The following RUVBL1 variants were observed in gnomAD, a reference collection of about 807,000 sequenced individuals.
RUVBL1 encodes the protein ruvB-like 1.
In RUVBL1, 4 loss-of-function variants were observed where a neutral mutation model predicts 52.4. The observed-to-expected ratio is 0.08, with a 90% CI of 0.04 to 0.17. RUVBL1 has a LOEUF of 0.17. Among genes scored for constraint, RUVBL1 ranks in the 10% least tolerant of loss-of-function variants. The pLI, the probability that RUVBL1 is intolerant of heterozygous loss-of-function variation, is 1.00. For missense variants in RUVBL1, 298 were observed against 572.8 expected (o/e 0.52, Z 4.90); for synonymous variants, 217 against 214.4 (o/e 1.01, Z -0.10).
chr3:128,104,556 T>C (rs80097562), intron 4 of RUVBL1, among the ~76,000 whole-genome samples: 1 of 152,258 alleles, frequency 6.6e-6, no homozygotes, highest in Non-Finnish European at 1.5e-5. Flanking sequence ...TTCCTAGGAG[T>C]AAGTAAGAAA....
chr3:128,089,749 T>C (rs374610216), intron 8 of RUVBL1, among the ~76,000 whole-genome samples: 1 of 151,756 alleles, frequency 6.6e-6, no homozygotes, highest in Non-Finnish European at 1.5e-5. Context: ...GGCAAATTCA[T>C]AGAGACAGAA....
At chr3:128,120,409 G>A (rs1576475789) in intron 1 of RUVBL1, among the ~76,000 whole-genome samples, 1 of 151,918 alleles carries the variant, frequency 6.6e-6, no homozygotes, top group South Asian at 2.1e-4. Context: ...ATAAATCTCT[G>A]AATTTTATTA....
intron 1 of RUVBL1, among the ~76,000 whole-genome samples, chr3:128,140,020 AAG>A (rs1226580130): frequency 2.6e-5 from 4 of 152,126 alleles, no homozygotes; most frequent in African/African-American, 9.7e-5. Context: ...AAATAACTAA[AAG>A]AGTATAATTG....
intron 4 of RUVBL1, among the ~76,000 whole-genome samples, chr3:128,102,324 C>T (rs1559817702): frequency 1.3e-5 from 2 of 152,244 alleles, no homozygotes; most frequent in East Asian, 1.9e-4. Context: ...AGTGTTTGTG[C>T]CCTTGGGTCT....
exon 10 of RUVBL1, chr3:128,065,094 GC>G: frequency 6.4e-7 from 1 of 1,559,016 alleles, no homozygotes; most frequent in South Asian, 1.1e-5. Flanking sequence ...GTTTCAGAAT[GC>G]CTTGTGTGCA....
intron 6 of RUVBL1, among the ~76,000 whole-genome samples, chr3:128,100,301 T>TCC (rs1446997725): frequency 6.6e-6 from 1 of 152,060 alleles, no homozygotes; most frequent in East Asian, 1.9e-4. Flanking sequence ...ACCCAGAAAA[T>TCC]CCCAGGTGTG....
At position 128,067,226 on chromosome 3, in the gene RUVBL1, A is replaced by G; in HGVS notation, c.940-2006T>C. ...GTTTCTATCAGTGTCTTGCTCATGA[A>G]CAGATATTTCATCCAAAGATATTTT... On this transcript the variant is annotated intron_variant, in intron 9 of 9. Transcript: ENST00000464873. The surrounding 1 kb of genome is among the most constrained non-coding windows in gnomAD (Gnocchi z 4.1). 2 of 1,411,552 alleles carry G rather than the reference A, an allele frequency of 1.4e-6. No individual in the cohort carries two copies. Among genetic ancestry groups the G allele is most frequent in the Non-Finnish European group, 2.0e-6 (2 of 1,003,864 alleles). 87.4% of individuals were successfully genotyped at this position (1,411,552 alleles called of 1,614,324 possible).
At chr3:128,114,281 C>T (rs927419623) in intron 2 of RUVBL1, among the ~76,000 whole-genome samples, 3 of 152,150 alleles carry the variant, frequency 2.0e-5, no homozygotes, top group East Asian at 1.9e-4. Context: ...GAAACTGAGA[C>T]GGTGTCTTAA....
intron 4 of RUVBL1, among the ~76,000 whole-genome samples, 182 bp from the exon 5 acceptor site, chr3:128,101,830 T>G (rs889690618): frequency 6.6e-6 from 1 of 152,154 alleles, no homozygotes; most frequent in Non-Finnish European, 1.5e-5. Context: ...CACAACAGAC[T>G]GGCTGGGGGA....
chr3:128,138,184 T>C (rs1197148155), intron 1 of RUVBL1, among the ~76,000 whole-genome samples: 1 of 152,110 alleles, frequency 6.6e-6, no homozygotes, highest in Non-Finnish European at 1.5e-5. Context: ...CTGGAAGTCC[T>C]AGCTAGAGCA....
At chr3:128,150,185 TTCA>T (rs1944164835) in intron 1 of RUVBL1, among the ~76,000 whole-genome samples, 5 of 152,186 alleles carry the variant, frequency 3.3e-5, no homozygotes, top group Admixed American at 3.3e-4. Context: ...CCCAAAGCAC[TTCA>T]TCATTATTTG....
chr3:128,113,064 C>T, intron 2 of RUVBL1, 44 bp from the exon 3 acceptor site: 1 of 1,602,004 alleles, frequency 6.2e-7, no homozygotes, highest in Non-Finnish European at 8.5e-7. Flanking sequence ...GTCCTGAAAA[C>T]ATGACAGTTC....
chr3:128,111,004 A>C (rs964891438), intron 3 of RUVBL1, among the ~76,000 whole-genome samples: 3 of 151,870 alleles, frequency 2.0e-5, no homozygotes, highest in Non-Finnish European at 2.9e-5. Context: ...AGGCAGGTGA[A>C]TCATGAGGTC....
At chr3:128,066,902 A>G in intron 9 of RUVBL1, 4 of 1,579,968 alleles carry the variant, frequency 2.5e-6, no homozygotes, top group Non-Finnish European at 3.5e-6. Flanking sequence ...GTTTCTGTGC[A>G]GCAGGCTGAA....
rs115163125 is a variant in RUVBL1 at position 128,081,334 on chromosome 3, A to G, written c.1287T>C (p.His429=). The G allele has an allele frequency of 3.6e-4, 575 of 1,614,232 alleles. 1 individual carries two copies. In the African/African-American group the frequency reaches 7.2e-3, roughly 20 times the overall value. The stretch of plus-strand genomic sequence containing the variant: ...AGAAAAGTTCACTGATCTCTTCGAC[A>G]TGCTCTTTCTCAATGCTGTCCTTCC... ...INGKDSIEKE[H]VEEISELFYD... is the part of the protein sequence containing the mutation. The change falls in exon 11 of 11, where the codon CAT becomes CAC. Residue 429 remains histidine, a synonymous_variant. Coordinates refer to ENST00000322623, the MANE Select transcript of RUVBL1 (RefSeq NM_003707.3). The surrounding 1 kb of genome is among the most constrained non-coding windows in gnomAD (Gnocchi z 4.8).
At chr3:128,146,637 TG>T (rs763372771) in intron 1 of RUVBL1, among the ~76,000 whole-genome samples, 1 of 150,900 alleles carries the variant, frequency 6.6e-6, no homozygotes, top group Non-Finnish European at 1.5e-5. Context: ...TGTGCGTGCA[TG>T]TATGCGTGTG....
At chr3:128,115,184 C>CAAAAA in intron 2 of RUVBL1, among the ~76,000 whole-genome samples, 1 of 152,212 alleles carries the variant, frequency 6.6e-6, no homozygotes, top group East Asian at 1.9e-4. Context: ...GATTAAGAAA[C>CAAAAA]AAACTCAAAA....
intron 1 of RUVBL1, among the ~76,000 whole-genome samples, chr3:128,146,632 G>A (rs1163628938): frequency 6.6e-6 from 1 of 150,956 alleles, no homozygotes; most frequent in Non-Finnish European, 1.5e-5. Flanking sequence ...CTGTGTGTGC[G>A]TGCATGTATG....
At chr3:128,143,283 C>T (rs1203167528) in intron 1 of RUVBL1, among the ~76,000 whole-genome samples, 1 of 151,872 alleles carries the variant, frequency 6.6e-6, no homozygotes, top group Non-Finnish European at 1.5e-5. Flanking sequence ...AGCAATTCTC[C>T]TGCCTTAGCC....
Sources: gnomAD v4.1 joint callset for allele counts (sites outside exome capture counted in the v4.1 genomes callset) on GRCh38, gnomAD v4.1.1 for gene constraint, Gnocchi (gnomAD v3.1) non-coding constraint, MANE v1.5 for transcripts, NCBI Gene and HGNC (gene_info 2026-07-23, HGNC 2026-07-21) for gene names.